The following THEMIS variants were observed in gnomAD, a reference collection of about 807,000 sequenced individuals.
THEMIS encodes the protein protein THEMIS.
In THEMIS, 37 loss-of-function variants were observed where a neutral mutation model predicts 52.6. That is an observed-to-expected ratio of 0.70 (90% CI 0.54 to 0.93). The LOEUF (loss-of-function observed/expected upper bound fraction) is 0.93. Among genes scored for constraint, THEMIS ranks in the 40% least tolerant of loss-of-function variants. The probability of loss-of-function intolerance (pLI) is 0.00; values close to 1 mark genes in which losing one functional copy is unlikely to be tolerated. For synonymous variants in THEMIS, 292 were observed against 272.7 expected (o/e 1.07, Z -0.70); for missense variants, 808 against 763.1 (o/e 1.06, Z -0.69).
intron 4 of THEMIS, among the ~76,000 whole-genome samples, chr6:127,725,462 G>T (rs915361037): frequency 6.6e-6 from 1 of 152,030 alleles, no homozygotes; most frequent in Middle Eastern, 3.4e-3. Flanking sequence ...GTGTGTGTGT[G>T]TCTGTGAGTG....
the THEMIS span, among the ~76,000 whole-genome samples, chr6:127,701,026 G>T: frequency 0.056 from 8,520 of 151,904 alleles, 273 homozygotes; most frequent in Non-Finnish European, 0.08. Context: ...TTACACAAAG[G>T]CAGTGAAGTG....
intron 1 of THEMIS, among the ~76,000 whole-genome samples, chr6:127,885,456 T>C (rs1780615541): frequency 6.6e-6 from 1 of 152,066 alleles, no homozygotes; most frequent in African/African-American, 2.4e-5. Flanking sequence ...TCACATTGTA[T>C]TATAAATACT....
chr6:127,759,072 T>G, intron 4 of THEMIS, among the ~76,000 whole-genome samples: 1 of 152,156 alleles, frequency 6.6e-6, no homozygotes, highest in East Asian at 1.9e-4. Context: ...AGAAATTGGT[T>G]GTGTTTTCAG....
chr6:127,862,464 G>C (rs1471116905), intron 1 of THEMIS, among the ~76,000 whole-genome samples: 2 of 56,936 alleles, frequency 3.5e-5, no homozygotes, highest in Admixed American at 3.8e-4. Context: ...CTGTTGCCCA[G>C]GCTGGAGTGC....
At chr6:127,823,003 G>T (rs1778392187) in intron 3 of THEMIS, among the ~76,000 whole-genome samples, 1 of 152,020 alleles carries the variant, frequency 6.6e-6, no homozygotes, top group Admixed American at 6.6e-5. Context: ...CATACAATTT[G>T]TTTTATATAC....
intron 1 of THEMIS, among the ~76,000 whole-genome samples, chr6:127,907,337 A>ATTTTTTGTTTTTTTTTTTT (rs1781297928): frequency 2.0e-5 from 1 of 49,448 alleles, no homozygotes; most frequent in Non-Finnish European, 3.7e-5. Context: ...TTAGGCTCGG[A>ATTTTTTGTTTTTTTTTTTT]TTTTTTTTTT....
At chr6:127,874,952 G>A (rs138839874) in intron 1 of THEMIS, among the ~76,000 whole-genome samples, 10 of 152,350 alleles carry the variant, frequency 6.6e-5, no homozygotes, top group Non-Finnish European at 1.2e-4. Flanking sequence ...GCAAAGCTGA[G>A]CTTCACCTTT....
At chr6:127,723,053 C>T (rs1774417196) in intron 4 of THEMIS, among the ~76,000 whole-genome samples, 1 of 151,894 alleles carries the variant, frequency 6.6e-6, no homozygotes, top group African/African-American at 2.4e-5. Flanking sequence ...TTCTCTTCAT[C>T]TCCTATCCTC....
chr6:127,908,962 C>T (rs1462380856), intron 1 of THEMIS, among the ~76,000 whole-genome samples: 3 of 151,814 alleles, frequency 2.0e-5, no homozygotes, highest in Non-Finnish European at 4.4e-5. Flanking sequence ...TTATCTATTA[C>T]AAATTAAGCA....
chr6:127,815,916 A>T (rs147116618), intron 3 of THEMIS, among the ~76,000 whole-genome samples: 1 of 152,292 alleles, frequency 6.6e-6, no homozygotes, highest in East Asian at 1.9e-4. Context: ...GTCTTTGTAC[A>T]TGGTGGGTGC....
chr6:127,832,775 A>ATTTTTTTTTTTTT (rs1251377975), intron 2 of THEMIS, among the ~76,000 whole-genome samples: 1 of 54,034 alleles, frequency 1.9e-5, no homozygotes, highest in African/African-American at 9.7e-5. Context: ...GGATTGTCAG[A>ATTTTTTTTTTTTT]TCTTTTTTTT....
In THEMIS at chr6:127,812,907, C is replaced by T. The variant is rs986869990; in HGVS notation, c.1734G>A (p.Thr578=). The T allele has an allele frequency of 8.7e-6, 14 of 1,608,696 alleles. No individual in the cohort carries two copies. Among genetic ancestry groups the T allele is most frequent in the South Asian group, 2.2e-5 (2 of 90,284 alleles). The change falls in exon 4 of 6, where the codon ACG becomes ACA. Residue 578 remains threonine (T), a synonymous_variant. Transcript: ENST00000368248. ...CCTTGGGAGACTTGGGCAGGTCTAC[C>T]GTCCTTTCTTCTGCTAAGGTTAGCA... The part of the protein sequence containing the change: ...LTLLTLAEER[T]VDLPKSPKRH...
At position 127,813,575 on chromosome 6, in the gene THEMIS, C is replaced by G. The variant is rs1778013263; in HGVS notation, c.1066G>C (p.Glu356Gln). The change falls in exon 4 of 6, where the codon GAG (glutamate) becomes CAG (glutamine). Residue 356 changes from glutamate (E) to glutamine (Q), a missense_variant. Coordinates refer to ENST00000368248, the MANE Select transcript of THEMIS (RefSeq NM_001010923.3). ...GGCTCCTTTTCACTCTTAGCGATCT[C>G]TAGGTCATAGGCCGTTGGGAACTCC... ...PREFPTAYDL[E>Q]IAKSEKEPLH... is the part of the protein sequence containing the mutation. 5 of 1,614,002 alleles carry G rather than the reference C, an allele frequency of 3.1e-6. No individual in the cohort carries two copies. Among genetic ancestry groups the G allele is most frequent in the Non-Finnish European group, 4.2e-6 (5 of 1,179,976 alleles).
rs908901892 is a variant in THEMIS at position 127,908,233 on chromosome 6, C to T, written c.-149-7152G>A. ...CAAACCACTGAACTCTTCCTCTATG[C>T]TTGTCATTATACAAGGCACTGAGAA... On this transcript the variant is annotated intron_variant, in intron 1 of 6. Transcript: ENST00000368250. Among the ~76,000 whole-genome samples, 7 of 152,212 alleles carry T rather than the reference C, an allele frequency of 4.6e-5. No individual in the cohort carries two copies. In the East Asian group the frequency reaches 1.2e-3, roughly 25 times the overall value.
chr6:127,821,173 T>A lies in THEMIS; in HGVS notation c.710-7242A>T, dbSNP rs551733301. Among the ~76,000 whole-genome samples the A allele has an allele frequency of 2.4e-3, 355 of 149,472 alleles. 1 individual carries two copies. Among genetic ancestry groups the A allele is most frequent in the African/African-American group, 8.3e-3 (338 of 40,914 alleles). On this transcript the variant is annotated intron_variant, in intron 3 of 5. Transcript: ENST00000368248. ...TCATGTGTGTGTGTGTCTGTGTGTG[T>A]GAGAGAGAGAGAGAGAGAGAGATAA...
intron 4 of THEMIS, among the ~76,000 whole-genome samples, chr6:127,771,052 C>A (rs1776368662): frequency 2.0e-5 from 3 of 152,156 alleles, no homozygotes; most frequent in Admixed American, 2.0e-4. Flanking sequence ...TCTCCTTATG[C>A]TGATAAGCAA....
intron 4 of THEMIS, among the ~76,000 whole-genome samples, chr6:127,756,759 A>T (rs1775839471): frequency 1.3e-5 from 2 of 152,206 alleles, no homozygotes; most frequent in South Asian, 4.1e-4. Context: ...GAACTCCAAA[A>T]TGCAACTAGT....
At chr6:127,774,213 T>A (rs551417352) in intron 4 of THEMIS, among the ~76,000 whole-genome samples, 26 of 152,346 alleles carry the variant, frequency 1.7e-4, no homozygotes, top group East Asian at 5.8e-4. Context: ...TTTTAATTTT[T>A]ATTTTTCTTT....
chr6:127,849,140 A>C (rs551137436), intron 2 of THEMIS, among the ~76,000 whole-genome samples: 58 of 152,188 alleles, frequency 3.8e-4, no homozygotes, highest in Non-Finnish European at 7.2e-4. Context: ...AGCTTTCTAC[A>C]TATGGCTAGC....
Sources: gnomAD v4.1 joint callset for allele counts (sites outside exome capture counted in the v4.1 genomes callset) on GRCh38, gnomAD v4.1.1 for gene constraint, MANE v1.5 for transcripts, NCBI Gene and HGNC (gene_info 2026-07-23, HGNC 2026-07-21) for gene names.